Variants in PVR observed in about 807,000 individuals in gnomAD.
PVR encodes PVR cell adhesion molecule, also known as poliovirus receptor.
Under a neutral mutation model 43.3 loss-of-function variants are expected in PVR, and 39 were observed. That is an observed-to-expected ratio of 0.90 (90% CI 0.70 to 1.18). The LOEUF (loss-of-function observed/expected upper bound fraction) is 1.18. Among genes scored for constraint, PVR ranks in the 50% most tolerant of loss-of-function variants. The pLI, the probability that PVR is intolerant of heterozygous loss-of-function variation, is 0.00. For missense variants in PVR, 480 were observed against 549.7 expected (o/e 0.87, Z 1.27); for synonymous variants, 224 against 233.2 (o/e 0.96, Z 0.36).
rs1238482309 is a variant in PVR at position 44,661,838 on chromosome 19, G to A, written c.*27G>A. On this transcript the variant is annotated 3_prime_UTR_variant, in exon 8 of 8. Coordinates refer to ENST00000425690, the MANE Select transcript of PVR (RefSeq NM_006505.5). ...AGCGTCGGGACTGAGAGGGGAGAGA[G>A]ACTGGAGCTGGCAAGGACGTGGGCC... The A allele has an allele frequency of 1.9e-6, 3 of 1,609,356 alleles. No homozygotes were observed. Among genetic ancestry groups the A allele is most frequent in the Non-Finnish European group, 1.7e-6 (2 of 1,176,476 alleles).
chr19:44,652,424 C>T (rs900218620), intron 3 of PVR, among the ~76,000 whole-genome samples: 4 of 152,028 alleles, frequency 2.6e-5, no homozygotes, highest in Admixed American at 2.6e-4. Flanking sequence ...TGCTCTGTCA[C>T]CCAGGCTAGA....
chr19:44,664,124 ATC>A lies in PVR; in HGVS notation c.*2317_*2318del, dbSNP rs977774086. 3 of 152,182 alleles carry A rather than the reference ATC, an allele frequency of 2.0e-5. No homozygotes were observed. Among genetic ancestry groups the A allele is most frequent in the African/African-American group, 7.2e-5 (3 of 41,440 alleles). 9.4% of individuals were successfully genotyped at this position (152,182 alleles called of 1,614,324 possible). A position where few individuals can be genotyped will look rare whatever the true frequency, so the allele number is the denominator to read the frequency against. On this transcript the variant is annotated 3_prime_UTR_variant, in exon 8 of 8. Coordinates refer to ENST00000425690, the MANE Select transcript of PVR (RefSeq NM_006505.5). ...TAGCTAAAATGGCAAATTGTCTGTT[ATC>A]TCTTTTTAACCACCATTTTTGAAAA...
chr19:44,653,937 C>G lies in PVR; in HGVS notation c.762C>G (p.Asn254Lys), dbSNP rs1973356558. The G allele has an allele frequency of 6.2e-7, 1 of 1,614,062 alleles. No homozygotes were observed. The highest frequency in any genetic ancestry group is 1.3e-5 in the African/African-American group (1 of 74,948). ...PEVSISGYDN[N>K]WYLGQNEATL... is the part of the protein sequence containing the mutation. ...TATCCATCTCTGGCTATGATAACAACTGGTACCTTGGCCAGAATGAGGCCA... is the reference window on the plus strand; with the variant it reads ...TATCCATCTCTGGCTATGATAACAAGTGGTACCTTGGCCAGAATGAGGCCA... The change falls in exon 4 of 8, where the codon AAC becomes AAG. Residue 254 changes from asparagine to lysine, a missense_variant. Transcript: ENST00000425690.
Position 44,647,519 on chromosome 19 carries a change from G to A in PVR, c.376G>A (p.Val126Ile), listed in dbSNP as rs138482699. The A allele has an allele frequency of 2.2e-4, 361 of 1,614,036 alleles. 1 individual carries two copies. Among genetic ancestry groups the A allele is most frequent in the South Asian group, 1.2e-3 (112 of 91,068 alleles). ...EDEGNYTCLFVTFPQGSRSVD... is the reference protein window; with the variant it reads ...EDEGNYTCLFITFPQGSRSVD... ...TGAAGGCAACTACACCTGCCTGTTC[G>A]TCACGTTCCCGCAGGGCAGCAGGAG... The change falls in exon 2 of 8, where the codon GTC becomes ATC. Residue 126 changes from valine (V) to isoleucine (I), a missense_variant. Val to Ile is a conservative substitution (Grantham distance 29). Coordinates refer to ENST00000425690, the MANE Select transcript of PVR (RefSeq NM_006505.5).
chr19:44,663,840 T>C lies in PVR; in HGVS notation c.*2029T>C, dbSNP rs1156390235. ...CACGATCATAGCTCATTGCAGCCTC[T>C]AACTCCGGGGCTCAAGCAATCCTCC... On this transcript the variant is annotated 3_prime_UTR_variant, in exon 8 of 8. Coordinates refer to ENST00000425690, the MANE Select transcript of PVR (RefSeq NM_006505.5). 6.6e-6 allele frequency among the ~76,000 whole-genome samples: 1 copy of C among 151,744 alleles called. No individual in the cohort carries two copies. The highest frequency in any genetic ancestry group is 2.4e-5 in the African/African-American group (1 of 41,260).
At position 44,646,343 on chromosome 19, in the gene PVR, G is replaced by A. The variant is rs1248348260; in HGVS notation, c.80-880G>A. ...GACCCACCCAGAGTAATAATGCAGTGTTTCATGGATTTGAAGACCCAAGAT... is the reference window on the plus strand; with the variant it reads ...GACCCACCCAGAGTAATAATGCAGTATTTCATGGATTTGAAGACCCAAGAT... On this transcript the variant is annotated intron_variant, in intron 1 of 7. Transcript: ENST00000425690. 2.0e-5 allele frequency among the ~76,000 whole-genome samples: 3 copies of A among 152,034 alleles called. No individual in the cohort carries two copies. The East Asian group carries it at 5.8e-4, about 29-fold the overall frequency.
At chr19:44,647,083 T>TCCCCCCCCCCCCCCCCCCCC in intron 1 of PVR, 140 bp from the exon 2 acceptor site, 1 of 30,342 alleles carries the variant, frequency 3.3e-5, no homozygotes, top group South Asian at 3.0e-4. Context: ...CAGTTCCCCC[T>TCCCCCCCCCCCCCCCCCCCC]CCCCCCACAC....
intron 7 of PVR, 132 bp downstream of exon 7, chr19:44,661,455 C>A (rs1973587953): frequency 9.9e-7 from 1 of 1,006,828 alleles, no homozygotes; most frequent in Non-Finnish European, 1.5e-6. Context: ...CATTTCCCAA[C>A]CCTTCCTGCT....
At chr19:44,659,379 T>C (rs891388327) in intron 6 of PVR, among the ~76,000 whole-genome samples, 3 of 152,220 alleles carry the variant, frequency 2.0e-5, no homozygotes, top group Non-Finnish European at 2.9e-5. Context: ...GTGTGCCAGC[T>C]CATTCTGTAA....
At chr19:44,645,134 T>TAATG (rs1568496496) in intron 1 of PVR, among the ~76,000 whole-genome samples, 2 of 70,062 alleles carry the variant, frequency 2.9e-5, no homozygotes, top group African/African-American at 1.3e-4. Context: ...TTATAATATA[T>TAATG]TATATATATT....
At chr19:44,653,481 A>G (rs1235642420) in intron 3 of PVR, among the ~76,000 whole-genome samples, 3 of 152,194 alleles carry the variant, frequency 2.0e-5, no homozygotes, top group African/African-American at 7.2e-5. Context: ...TTCGCTGTCA[A>G]TCACGTATGG....
At chr19:44,660,680 G>T (rs118049609) in intron 6 of PVR, among the ~76,000 whole-genome samples, 408 of 151,972 alleles carry the variant, frequency 2.7e-3, no homozygotes, top group Non-Finnish European at 4.7e-3. Context: ...GCACTCCCAC[G>T]CCTGGCTAAT....
At chr19:44,661,395 C>T (rs888517826) in intron 7 of PVR, 72 bp downstream of exon 7, 1 of 1,505,540 alleles carries the variant, frequency 6.6e-7, no homozygotes, top group Non-Finnish European at 9.2e-7. Context: ...TTCAGATGCC[C>T]ACGGCCCGGC....
chr19:44,650,145 G>A (rs796405631), intron 3 of PVR, 40 bp downstream of exon 3: 26 of 1,486,188 alleles, frequency 1.7e-5, no homozygotes, highest in Middle Eastern at 1.9e-4. Context: ...AACCCCTGCC[G>A]GGCTGCCCCC....
At chr19:44,658,994 G>A (rs1973528795) in intron 6 of PVR, 94 bp downstream of exon 6, 17 of 1,240,828 alleles carry the variant, frequency 1.4e-5, no homozygotes, top group Non-Finnish European at 1.9e-5. Context: ...TCACCCCACT[G>A]CCATGAGGTT....
intron 5 of PVR, 72 bp downstream of exon 5, chr19:44,657,982 T>C (rs1051592588): frequency 4.0e-6 from 6 of 1,497,116 alleles, no homozygotes; most frequent in South Asian, 1.2e-5. Context: ...TGTCTAATGC[T>C]CTCTGGCTCC....
At chr19:44,650,535 C>T (rs918409004) in intron 3 of PVR, among the ~76,000 whole-genome samples, 5 of 151,766 alleles carry the variant, frequency 3.3e-5, no homozygotes, top group African/African-American at 1.2e-4. Flanking sequence ...TGTCTACACC[C>T]ACTCCCTTGT....
intron 4 of PVR, among the ~76,000 whole-genome samples, chr19:44,654,380 C>T (rs1973379688): frequency 6.6e-6 from 1 of 152,200 alleles, no homozygotes; most frequent in Non-Finnish European, 1.5e-5. Context: ...GAGGGAGATT[C>T]AGAAAAGAGA....
chr19:44,645,168 T>C (rs1213780226), intron 1 of PVR, among the ~76,000 whole-genome samples: 1 of 69,896 alleles, frequency 1.4e-5, no homozygotes, highest in Non-Finnish European at 2.7e-5. Context: ...ATATGTATAT[T>C]ATATATTATA....
Sources: allele counts gnomAD v4.1 joint callset (sites outside exome capture counted in the v4.1 genomes callset), GRCh38; gene constraint gnomAD v4.1.1; transcripts MANE v1.5; gene names NCBI Gene and HGNC (gene_info 2026-07-23, HGNC 2026-07-21).